The following FBXO4 variants were observed in gnomAD, a reference collection of about 807,000 sequenced individuals.
FBXO4 encodes F-box protein 4.
In FBXO4, 36 loss-of-function variants were observed where a neutral mutation model predicts 43.7. The observed-to-expected ratio is 0.82, with a 90% CI of 0.63 to 1.09. The LOEUF is 1.09. Ranked by LOEUF, FBXO4 falls within the 50% of genes least tolerant of loss-of-function variation. FBXO4 has a pLI of 0.00. For synonymous variants in FBXO4, 180 were observed against 165.6 expected, an observed-to-expected ratio of 1.09 and a Z score of -0.67; for missense variants, 435 against 474.1, an observed-to-expected ratio of 0.92 and a Z score of 0.77.
At chr5:41,965,683 A>G in the FBXO4 span, among the ~76,000 whole-genome samples, 1 of 152,224 alleles carries the variant, frequency 6.6e-6, no homozygotes, top group Non-Finnish European at 1.5e-5. Context: ...ACTGGAGAGG[A>G]TGTGGAGAAA....
chr5:41,992,469 G>A, the FBXO4 span, among the ~76,000 whole-genome samples: 98 of 152,246 alleles, frequency 6.4e-4, 1 homozygote, highest in East Asian at 0.014. Flanking sequence ...AAGGAAAAAT[G>A]GAGAAGCACA....
rs139361885 is a variant in FBXO4, at chr5:41,934,319, A to G, written c.898+11A>G. ...CTGAAGCTCATAAAAGTAAGTACTC[A>G]TATGTACATTTTTAAGCACATTGTT... is the stretch of plus-strand genomic sequence containing the variant. On this transcript the variant is annotated intron_variant, in intron 5 of 6. Transcript: ENST00000281623. 1.2e-6 allele frequency: 2 copies of G among 1,613,934 alleles called. No homozygotes were observed. Among genetic ancestry groups the G allele is most frequent in the Non-Finnish European group, 1.7e-6 (2 of 1,179,966 alleles).
the FBXO4 span, among the ~76,000 whole-genome samples, chr5:42,023,828 T>G: frequency 1.3e-5 from 2 of 151,976 alleles, no homozygotes; most frequent in African/African-American, 4.8e-5. Context: ...AAGGAAGTTC[T>G]GCACTGAGGT....
chr5:42,036,682 G>A, the FBXO4 span, among the ~76,000 whole-genome samples: 15 of 152,196 alleles, frequency 9.9e-5, no homozygotes, highest in African/African-American at 3.4e-4. Context: ...GGGAAAGTTG[G>A]AATTTCCAGA....
At chr5:41,927,372 C>A in intron 2 of FBXO4, 124 bp downstream of exon 2, 1 of 678,620 alleles carries the variant, frequency 1.5e-6, no homozygotes, top group Non-Finnish European at 2.4e-6. Context: ...TAATTGTTCT[C>A]GTCAAAACTG....
chr5:41,995,207 TG>T, the FBXO4 span, among the ~76,000 whole-genome samples: 1 of 152,198 alleles, frequency 6.6e-6, no homozygotes, highest in Non-Finnish European at 1.5e-5. Context: ...CAATGCTGTG[TG>T]GAATACTGTG....
chr5:42,031,584 A>G, the FBXO4 span, among the ~76,000 whole-genome samples: 7 of 152,142 alleles, frequency 4.6e-5, no homozygotes, highest in East Asian at 1.4e-3. Flanking sequence ...CATTGTGCAC[A>G]TGTACCCTAA....
At chr5:42,007,410 A>T in the FBXO4 span, among the ~76,000 whole-genome samples, 1 of 152,116 alleles carries the variant, frequency 6.6e-6, no homozygotes, top group Admixed American at 6.6e-5. Flanking sequence ...AGTATTAGCC[A>T]TCTTCTAAGA....
chr5:41,965,936 T>C, the FBXO4 span, among the ~76,000 whole-genome samples: 20 of 152,240 alleles, frequency 1.3e-4, no homozygotes, highest in African/African-American at 4.8e-4. Flanking sequence ...TAAGAAAATG[T>C]GGGACATACA....
intron 3 of FBXO4, among the ~76,000 whole-genome samples, chr5:41,932,642 A>G (rs761271028): frequency 6.6e-6 from 1 of 152,218 alleles, no homozygotes; most frequent in Admixed American, 6.5e-5. Flanking sequence ...AGATACCATT[A>G]TTAAAAAATT....
chr5:41,961,739 G>C, the FBXO4 span, among the ~76,000 whole-genome samples: 8 of 152,196 alleles, frequency 5.3e-5, no homozygotes, highest in Non-Finnish European at 1.2e-4. Context: ...CAGGGCACTT[G>C]TATGGTTGGG....
chr5:41,976,545 G>A, the FBXO4 span, among the ~76,000 whole-genome samples: 1 of 152,216 alleles, frequency 6.6e-6, no homozygotes, highest in African/African-American at 2.4e-5. Flanking sequence ...CAGCAGGGCA[G>A]GCGTTAAATC....
chr5:42,011,464 C>G, the FBXO4 span, among the ~76,000 whole-genome samples: 1 of 152,132 alleles, frequency 6.6e-6, no homozygotes, highest in South Asian at 2.1e-4. Flanking sequence ...AATTGGGAGC[C>G]AAATAAATAT....
the FBXO4 span, among the ~76,000 whole-genome samples, chr5:41,966,127 T>C: frequency 6.6e-6 from 1 of 151,958 alleles, no homozygotes; most frequent in Admixed American, 6.5e-5. Context: ...AAGGGGAACA[T>C]CACACACCAG....
chr5:41,942,285 A>T (rs1181096435), downstream of FBXO4, among the ~76,000 whole-genome samples: 1 of 152,100 alleles, frequency 6.6e-6, no homozygotes, highest in Admixed American at 6.5e-5. Flanking sequence ...ATTTGTCAGA[A>T]TGTTTACTTA....
chr5:42,021,497 G>T, the FBXO4 span, among the ~76,000 whole-genome samples: 33 of 152,182 alleles, frequency 2.2e-4, no homozygotes, highest in Middle Eastern at 3.4e-3. Flanking sequence ...TGTTTTAGGG[G>T]TGTTAAGTTT....
In FBXO4 at chr5:41,934,278, A is replaced by C. The variant is rs751699128; in HGVS notation, c.868A>C (p.Ile290Leu). The change falls in exon 5 of 7, where the codon ATC becomes CTC. Residue 290 changes from isoleucine to leucine, a missense_variant. By Grantham distance (5) the Ile-to-Leu change is conservative. Transcript: ENST00000281623. ...AGTGTGTGAAGTTGTAGATGGGTTCATCTATGTTGCAAATGCTGAAGCTCA... is the reference window on the plus strand; with the variant it reads ...AGTGTGTGAAGTTGTAGATGGGTTCCTCTATGTTGCAAATGCTGAAGCTCA... ...QKVCEVVDGF[I>L]YVANAEAHKR... 1.2e-6 allele frequency: 2 copies of C among 1,614,184 alleles called. No individual in the cohort carries two copies. Among genetic ancestry groups the C allele is most frequent in the Non-Finnish European group, 1.7e-6 (2 of 1,180,006 alleles).
the FBXO4 span, chr5:41,967,530 G>T: frequency 1.1e-6 from 1 of 932,788 alleles, no homozygotes; most frequent in Non-Finnish European, 1.7e-6. Context: ...CCTCCGTGAC[G>T]TTCATGCACC....
At chr5:42,033,509 G>A in the FBXO4 span, among the ~76,000 whole-genome samples, 2 of 152,104 alleles carry the variant, frequency 1.3e-5, no homozygotes, top group Admixed American at 6.6e-5. Context: ...AGCCCCGTAT[G>A]CATTAGCTAT....
Sources: gnomAD v4.1 joint callset for allele counts (sites outside exome capture counted in the v4.1 genomes callset) on GRCh38, gnomAD v4.1.1 for gene constraint, MANE v1.5 for transcripts, NCBI Gene and HGNC (gene_info 2026-07-23, HGNC 2026-07-21) for gene names.